SYT1: variants seen among roughly 807,000 people sequenced by gnomAD.
SYT1 encodes synaptotagmin 1.
SYT1 carries 8 observed loss-of-function variants against 44.8 expected under a neutral mutation model. The ratio of observed to expected loss-of-function variants is 0.18; its 90% CI spans 0.10 to 0.32. The LOEUF (loss-of-function observed/expected upper bound fraction) is 0.32. Among genes scored for constraint, SYT1 ranks in the 10% least tolerant of loss-of-function variants. The pLI is 1.00. For missense variants in SYT1, 286 were observed against 509.3 expected, an observed-to-expected ratio of 0.56 and a Z score of 4.22; for synonymous variants, 154 against 188.8, an observed-to-expected ratio of 0.82 and a Z score of 1.51.
chr12:79,242,068 A>G (rs959963699), intron 4 of SYT1, among the ~76,000 whole-genome samples: 16 of 152,232 alleles, frequency 1.1e-4, no homozygotes, highest in African/African-American at 3.9e-4. Context: ...TGGCCTTCCA[A>G]TACTTTGATT....
At chr12:79,010,438 A>G (rs1251092655) in intron 2 of SYT1, among the ~76,000 whole-genome samples, 1 of 152,152 alleles carries the variant, frequency 6.6e-6, no homozygotes, top group Non-Finnish European at 1.5e-5. Context: ...AGCAGGGACC[A>G]AGCTGTTTGT....
intron 9 of SYT1, among the ~76,000 whole-genome samples, chr12:79,362,589 G>A (rs1883359241): frequency 6.6e-6 from 1 of 152,146 alleles, no homozygotes; most frequent in Admixed American, 6.5e-5. Flanking sequence ...CTATCTGCTG[G>A]AGGAAAGCAG....
chr12:79,281,804 T>C (rs754078367), intron 4 of SYT1, among the ~76,000 whole-genome samples: 1 of 152,204 alleles, frequency 6.6e-6, no homozygotes, highest in South Asian at 2.1e-4. Context: ...CTATTGTTGC[T>C]ATAATGAATT....
Position 78,890,388 on chromosome 12 carries a change from G to A in SYT1, c.-217+25279G>A, listed in dbSNP as rs144090859. Reference sequence around the variant, plus strand: ...GGAACATCACACACTGGGGCCTGTCGTGGGGTGACGGGAGCGGGGAAGGAT... The same window carrying A: ...GGAACATCACACACTGGGGCCTGTCATGGGGTGACGGGAGCGGGGAAGGAT... On this transcript the variant is annotated intron_variant, in intron 1 of 10. Coordinates refer to ENST00000261205, the MANE Select transcript of SYT1 (RefSeq NM_005639.3). Among the ~76,000 whole-genome samples the A allele has an allele frequency of 6.2e-3, 946 of 151,906 alleles. 34 individuals are homozygous for A. The East Asian group carries it at 0.12, about 19-fold the overall frequency.
At chr12:79,184,371 G>T (rs1426607855) in intron 3 of SYT1, among the ~76,000 whole-genome samples, 1 of 152,004 alleles carries the variant, frequency 6.6e-6, no homozygotes, top group Non-Finnish European at 1.5e-5. Context: ...TATTAGTTAT[G>T]TAACATTAGA....
intron 8 of SYT1, among the ~76,000 whole-genome samples, chr12:79,344,151 C>T (rs1159208769): frequency 6.6e-6 from 1 of 152,206 alleles, no homozygotes; most frequent in African/African-American, 2.4e-5. Context: ...GACCACATTT[C>T]ACCTCCTTCA....
At chr12:79,233,243 T>C (rs1248437625) in intron 4 of SYT1, among the ~76,000 whole-genome samples, 2 of 152,242 alleles carry the variant, frequency 1.3e-5, no homozygotes, top group South Asian at 2.1e-4. Context: ...TTCATCTTTT[T>C]GTTTTAAAAA....
chr12:78,968,706 T>A (rs983860323), intron 1 of SYT1, among the ~76,000 whole-genome samples: 3 of 152,146 alleles, frequency 2.0e-5, no homozygotes, highest in African/African-American at 7.2e-5. Context: ...CTTCAACAAT[T>A]AAGCAGGATA....
chr12:79,185,975 T>G (rs1383290874), intron 3 of SYT1, among the ~76,000 whole-genome samples: 1 of 152,036 alleles, frequency 6.6e-6, no homozygotes, highest in African/African-American at 2.4e-5. Context: ...CAAAAATAGT[T>G]CATTTGGTGT....
chr12:79,341,660 C>CTT lies in SYT1; in HGVS notation c.811-11817_811-11816dup, dbSNP rs34759181. Reference sequence around the variant, plus strand: ...GGAATACTTAATAAATACATTCATTCTTTTTTTTTTTTTTTTTTTTTTTTT... The same window carrying CTT: ...GGAATACTTAATAAATACATTCATTCTTTTTTTTTTTTTTTTTTTTTTTTTTT... On this transcript the variant is annotated intron_variant, in intron 8 of 10. Coordinates refer to ENST00000261205, the MANE Select transcript of SYT1 (RefSeq NM_005639.3). Among the ~76,000 whole-genome samples, 37 of 63,044 alleles carry CTT rather than the reference C, an allele frequency of 5.9e-4. 3 individuals carry two copies. The highest frequency in any genetic ancestry group is 9.4e-4 in the Non-Finnish European group (34 of 36,286). 41.4% of individuals were successfully genotyped at this position (63,044 alleles called of 152,430 possible).
intron 9 of SYT1, among the ~76,000 whole-genome samples, chr12:79,384,371 A>G (rs1884343787): frequency 6.6e-6 from 1 of 152,198 alleles, no homozygotes. Flanking sequence ...CATATATATA[A>G]TTCTGTAATT....
At chr12:78,876,142 T>C (rs2137043742) in intron 1 of SYT1, among the ~76,000 whole-genome samples, 1 of 151,774 alleles carries the variant, frequency 6.6e-6, no homozygotes, top group South Asian at 2.1e-4. Flanking sequence ...GAAAACATAA[T>C]GAAACAAATC....
chr12:79,133,377 C>G (rs1264123765), intron 3 of SYT1, among the ~76,000 whole-genome samples: 3 of 151,906 alleles, frequency 2.0e-5, no homozygotes, highest in African/African-American at 7.3e-5. Flanking sequence ...GAGTGAGACC[C>G]TGTCTCAAAA....
chr12:79,066,900 C>T (rs1875905573), intron 3 of SYT1, among the ~76,000 whole-genome samples: 1 of 152,118 alleles, frequency 6.6e-6, no homozygotes, highest in Non-Finnish European at 1.5e-5. Flanking sequence ...TTAATATGGG[C>T]TACTGAATCT....
chr12:79,380,749 T>A (rs1407670824), intron 9 of SYT1, among the ~76,000 whole-genome samples: 1 of 152,164 alleles, frequency 6.6e-6, no homozygotes, highest in East Asian at 1.9e-4. Flanking sequence ...AAGCTTCCCT[T>A]GCAATTCCCC....
At chr12:78,882,697 A>T (rs1449716971) in intron 1 of SYT1, among the ~76,000 whole-genome samples, 1 of 151,834 alleles carries the variant, frequency 6.6e-6, no homozygotes, top group African/African-American at 2.4e-5. Flanking sequence ...TAAAGAAGAA[A>T]TATATTTATA....
chr12:79,103,492 T>A (rs1878545357), intron 3 of SYT1, among the ~76,000 whole-genome samples: 1 of 152,058 alleles, frequency 6.6e-6, no homozygotes, highest in Non-Finnish European at 1.5e-5. Flanking sequence ...AGTGAAAGTT[T>A]CCTTACTAAA....
intron 4 of SYT1, among the ~76,000 whole-genome samples, chr12:79,262,427 G>A (rs1467863406): frequency 1.3e-5 from 2 of 148,246 alleles, no homozygotes; most frequent in Non-Finnish European, 3.0e-5. Flanking sequence ...GGACTGAGAT[G>A]AGGACCAGAG....
At chr12:78,998,017 A>G (rs1017384016) in intron 2 of SYT1, among the ~76,000 whole-genome samples, 1 of 152,162 alleles carries the variant, frequency 6.6e-6, no homozygotes, top group African/African-American at 2.4e-5. Context: ...ATTGGCTCCT[A>G]TCAGATCTTT....
Sources: gnomAD v4.1 joint callset for allele counts (sites outside exome capture counted in the v4.1 genomes callset) on GRCh38, gnomAD v4.1.1 for gene constraint, MANE v1.5 for transcripts, NCBI Gene and HGNC (gene_info 2026-07-23, HGNC 2026-07-21) for gene names.